PPFIA2: variants seen among roughly 807,000 people sequenced by gnomAD.
PPFIA2 encodes the protein PPFI scaffold protein A2, also known as liprin-alpha-2.
Under a neutral mutation model 175.5 loss-of-function variants are expected in PPFIA2, and 46 were observed. The observed-to-expected ratio is 0.26, with a 90% CI of 0.21 to 0.34. The LOEUF is 0.34. Among genes scored for constraint, PPFIA2 ranks in the 10% least tolerant of loss-of-function variants. The pLI is 1.00. For synonymous variants in PPFIA2, 568 were observed against 511.4 expected (o/e 1.11, Z -1.49); for missense variants, 1,179 against 1,506.1 (o/e 0.78, Z 3.60).
At chr12:81,358,954 C>T (rs2061246035) in intron 15 of PPFIA2, among the ~76,000 whole-genome samples, 1 of 151,998 alleles carries the variant, frequency 6.6e-6, no homozygotes, top group Non-Finnish European at 1.5e-5. Context: ...TATCATTACA[C>T]TAGTTTTCAA....
chr12:81,596,730 G>GA (rs1328022728), intron 4 of PPFIA2, among the ~76,000 whole-genome samples: 5 of 151,836 alleles, frequency 3.3e-5, no homozygotes, highest in Admixed American at 2.0e-4. Flanking sequence ...GTACAGAGGA[G>GA]AAAAAAAAGT....
chr12:81,298,321 C>G (rs984960634), intron 23 of PPFIA2: 1 of 152,154 alleles, frequency 6.6e-6, no homozygotes, highest in Non-Finnish European at 1.5e-5. Flanking sequence ...AAAATACAGG[C>G]ATTTTTCATT....
intron 8 of PPFIA2, among the ~76,000 whole-genome samples, chr12:81,396,193 C>A (rs1395173087): frequency 6.6e-6 from 1 of 151,958 alleles, no homozygotes; most frequent in South Asian, 2.1e-4. Context: ...TATTCTTGAA[C>A]ACGTATTTAT....
intron 22 of PPFIA2, among the ~76,000 whole-genome samples, chr12:81,303,279 T>A (rs1174008455): frequency 6.6e-6 from 1 of 152,200 alleles, no homozygotes; most frequent in Non-Finnish European, 1.5e-5. Context: ...AGTGTGTTTT[T>A]AAAAATAATT....
At chr12:81,533,870 CAAT>C (rs572208584) in intron 4 of PPFIA2, among the ~76,000 whole-genome samples, 29 of 151,100 alleles carry the variant, frequency 1.9e-4, no homozygotes, top group Non-Finnish European at 3.1e-4. Context: ...TAAATTTGCA[CAAT>C]AATATCATAT....
chr12:81,326,709 G>C (rs1921041), intron 21 of PPFIA2, among the ~76,000 whole-genome samples: 54,571 of 151,784 alleles, frequency 0.36, 10,713 homozygotes, highest in East Asian at 0.54. Flanking sequence ...TAAATTATCT[G>C]TTGTAATTGA....
intron 3 of PPFIA2, among the ~76,000 whole-genome samples, chr12:81,678,831 A>T (rs1052856468): frequency 1.9e-4 from 29 of 151,984 alleles, no homozygotes; most frequent in African/African-American, 7.0e-4. Context: ...TCTGGCTCTG[A>T]AAAGTAAAAA....
chr12:81,366,866 G>A (rs950320580), intron 14 of PPFIA2, among the ~76,000 whole-genome samples: 49 of 151,722 alleles, frequency 3.2e-4, no homozygotes, highest in African/African-American at 1.2e-3. Flanking sequence ...AAGAGTATGA[G>A]TATAGACTAA....
chr12:81,654,500 T>C (rs1485669071), intron 4 of PPFIA2, among the ~76,000 whole-genome samples: 1 of 152,100 alleles, frequency 6.6e-6, no homozygotes, highest in Non-Finnish European at 1.5e-5. Context: ...GCTTCATAAG[T>C]CTTCCTCCTA....
chr12:81,557,217 G>A (rs1035233812), intron 4 of PPFIA2, among the ~76,000 whole-genome samples: 2 of 146,028 alleles, frequency 1.4e-5, no homozygotes, highest in Admixed American at 6.8e-5. Context: ...ACACACACAC[G>A]TATACATATA....
chr12:81,717,710 G>A (rs1211996255), intron 3 of PPFIA2, among the ~76,000 whole-genome samples: 1 of 151,624 alleles, frequency 6.6e-6, no homozygotes, highest in South Asian at 2.1e-4. Flanking sequence ...GTGAATGAAA[G>A]AAACAAATTA....
chr12:81,732,745 T>C (rs867550131), intron 3 of PPFIA2, among the ~76,000 whole-genome samples: 3 of 151,564 alleles, frequency 2.0e-5, no homozygotes, highest in African/African-American at 7.3e-5. Flanking sequence ...AAATTACATA[T>C]AGTATGCTTC....
chr12:81,427,304 A>C (rs2047309400), intron 7 of PPFIA2, among the ~76,000 whole-genome samples: 1 of 152,110 alleles, frequency 6.6e-6, no homozygotes, highest in Admixed American at 6.5e-5. Flanking sequence ...TAACACTCAG[A>C]ACAATTCACT....
chr12:81,503,982 C>T (rs1467646937), intron 4 of PPFIA2, among the ~76,000 whole-genome samples: 2 of 151,572 alleles, frequency 1.3e-5, no homozygotes, highest in African/African-American at 2.4e-5. Context: ...TTGAGCAAAA[C>T]AATATATTTA....
chr12:81,281,237 A>C lies in PPFIA2; in HGVS notation c.3212+20T>G, dbSNP rs760889380. On this transcript the variant is annotated intron_variant, in intron 27 of 32. Coordinates refer to ENST00000549396, the MANE Select transcript of PPFIA2 (RefSeq NM_003625.5). Reference sequence around the variant, plus strand: ...TTCATTTTAATTATTCTTTGGGGAAAAAAAAGAAAAAACACCTACCGATGG... The same window carrying C: ...TTCATTTTAATTATTCTTTGGGGAACAAAAAGAAAAAACACCTACCGATGG... 43 of 1,514,712 alleles carry C rather than the reference A, an allele frequency of 2.8e-5. No individual in the cohort carries two copies. Among genetic ancestry groups the C allele is most frequent in the Non-Finnish European group, 3.8e-5 (43 of 1,125,212 alleles). The allele number at this position is 1,514,712 out of a possible 1,614,324, so 93.8% of individuals were successfully genotyped here.
intron 7 of PPFIA2, among the ~76,000 whole-genome samples, chr12:81,414,233 C>G (rs1017213612): frequency 4.0e-5 from 6 of 151,664 alleles, no homozygotes; most frequent in African/African-American, 1.4e-4. Flanking sequence ...ATTGCATACA[C>G]AATTTAAATA....
chr12:81,480,093 G>C (rs546011387), intron 4 of PPFIA2, among the ~76,000 whole-genome samples: 1 of 152,150 alleles, frequency 6.6e-6, no homozygotes, highest in South Asian at 2.1e-4. Context: ...TTTCTTGGAG[G>C]CTTTGTTTGT....
rs554338322 is a variant in PPFIA2 at position 81,560,518 on chromosome 12, A to G, written c.304-102652T>C. ...GGATGACTTACTTCTTTCATAAATAAAAACTGGATTGACTTATTTAATAAA... is the reference window on the plus strand; with the variant it reads ...GGATGACTTACTTCTTTCATAAATAGAAACTGGATTGACTTATTTAATAAA... On this transcript the variant is annotated intron_variant, in intron 4 of 32. Coordinates refer to ENST00000549396, the MANE Select transcript of PPFIA2 (RefSeq NM_003625.5). Among the ~76,000 whole-genome samples the G allele has an allele frequency of 1.2e-4, 18 of 152,300 alleles. No homozygotes were observed. In the East Asian group the frequency reaches 3.5e-3, roughly 29 times the overall value.
At chr12:81,756,786 A>G (rs1439283043) in intron 2 of PPFIA2, among the ~76,000 whole-genome samples, 4 of 152,208 alleles carry the variant, frequency 2.6e-5, no homozygotes, top group Non-Finnish European at 5.9e-5. Context: ...ATCAACATTA[A>G]TCTTTGTAGA....
Sources: allele counts gnomAD v4.1 joint callset (sites outside exome capture counted in the v4.1 genomes callset), GRCh38; gene constraint gnomAD v4.1.1; transcripts MANE v1.5; gene names NCBI Gene and HGNC (gene_info 2026-07-23, HGNC 2026-07-21).